Variants in MYO10 observed in about 807,000 individuals in gnomAD.
MYO10 encodes the protein unconventional myosin-X.
Under a neutral mutation model 257.3 loss-of-function variants are expected in MYO10, and 133 were observed. That is an observed-to-expected ratio of 0.52 (90% CI 0.45 to 0.60). MYO10 has a LOEUF of 0.60. MYO10 is among the 20% of genes least tolerant of loss of function. The probability of loss-of-function intolerance (pLI) is 0.00; values close to 1 mark genes in which losing one functional copy is unlikely to be tolerated. For missense variants in MYO10, 2,399 were observed against 2,635.7 expected, an observed-to-expected ratio of 0.91 and a Z score of 1.97; for synonymous variants, 1,104 against 1,028.6, an observed-to-expected ratio of 1.07 and a Z score of -1.40.
At chr5:16,835,267 G>A (rs1743277245) in intron 2 of MYO10, among the ~76,000 whole-genome samples, 1 of 151,958 alleles carries the variant, frequency 6.6e-6, no homozygotes, top group South Asian at 2.1e-4. Context: ...CTGGCGTGGT[G>A]GCTCATGCCT....
At chr5:16,780,895 A>C (rs1362058385) in intron 6 of MYO10, among the ~76,000 whole-genome samples, 154 bp from the exon 7 acceptor site, 1 of 152,124 alleles carries the variant, frequency 6.6e-6, no homozygotes, top group Non-Finnish European at 1.5e-5. Context: ...CAAGCAAACA[A>C]AGTATAGACT....
chr5:16,901,283 C>T (rs947590322), intron 1 of MYO10, among the ~76,000 whole-genome samples: 9 of 152,114 alleles, frequency 5.9e-5, no homozygotes, highest in Admixed American at 2.6e-4. Flanking sequence ...TGCTGGGCGC[C>T]CCTCCTCCGT....
chr5:16,926,801 T>C (rs932580149), intron 1 of MYO10, among the ~76,000 whole-genome samples: 12 of 152,082 alleles, frequency 7.9e-5, no homozygotes, highest in African/African-American at 2.9e-4. Flanking sequence ...ATCTTGACTC[T>C]AACCACATAA....
At chr5:16,687,785 C>T (rs887254383) in intron 28 of MYO10, among the ~76,000 whole-genome samples, 1 of 152,018 alleles carries the variant, frequency 6.6e-6, no homozygotes, top group African/African-American at 2.4e-5. Context: ...TTCTGGTTAA[C>T]CAAACAGCAA....
chr5:16,869,627 A>G lies in MYO10; in HGVS notation c.120+7982T>C, dbSNP rs189160563. ...CGCCTGTAATCCCAGCACTTTGGGA[A>G]GCCAAGGCAGGTGGATCACCTGAGG... On this transcript the variant is annotated intron_variant, in intron 2 of 40. Transcript: ENST00000513610. Among the ~76,000 whole-genome samples, 1,433 of 149,138 alleles carry G rather than the reference A, an allele frequency of 9.6e-3. 25 individuals are homozygous for G. The highest frequency in any genetic ancestry group is 0.027 in the African/African-American group (1,052 of 39,314).
intron 1 of MYO10, among the ~76,000 whole-genome samples, chr5:16,909,207 C>G (rs545268779): frequency 2.0e-5 from 3 of 152,220 alleles, no homozygotes; most frequent in African/African-American, 7.2e-5. Flanking sequence ...GGGAACTGCC[C>G]TTTATAAAAC....
intron 27 of MYO10, among the ~76,000 whole-genome samples, chr5:16,694,012 C>T (rs1054077873): frequency 1.3e-5 from 2 of 152,180 alleles, no homozygotes; most frequent in Non-Finnish European, 2.9e-5. Context: ...CTGGCAACAG[C>T]TGGAGTAAGG....
chr5:16,757,580 G>A (rs1017266029), intron 18 of MYO10, among the ~76,000 whole-genome samples: 2 of 152,078 alleles, frequency 1.3e-5, no homozygotes, highest in Admixed American at 6.5e-5. Flanking sequence ...TATTTCAAAA[G>A]CTTAGAAGAA....
At chr5:16,769,607 T>C (rs1740985256) in intron 9 of MYO10, among the ~76,000 whole-genome samples, 1 of 152,210 alleles carries the variant, frequency 6.6e-6, no homozygotes, top group Non-Finnish European at 1.5e-5. Flanking sequence ...CCCAAAGTTC[T>C]GGGATTACAG....
Position 16,900,603 on chromosome 5 carries a change from G to C in MYO10, c.22-22896C>G, listed in dbSNP as rs114805086. Among the ~76,000 whole-genome samples the C allele has an allele frequency of 2.9e-3, 446 of 152,240 alleles. 5 individuals are homozygous for C. Among genetic ancestry groups the C allele is most frequent in the African/African-American group, 0.01 (429 of 41,550 alleles). Reference sequence around the variant, plus strand: ...CGATCCATCCGGTGACAATTGGATAGAGCAGCCAGGCCATCTGTTCTCACC... The same window carrying C: ...CGATCCATCCGGTGACAATTGGATACAGCAGCCAGGCCATCTGTTCTCACC... On this transcript the variant is annotated intron_variant, in intron 1 of 40. Coordinates refer to ENST00000513610, the MANE Select transcript of MYO10 (RefSeq NM_012334.3).
At chr5:16,763,208 G>C (rs1392344351) in intron 14 of MYO10, among the ~76,000 whole-genome samples, 4 of 152,038 alleles carry the variant, frequency 2.6e-5, no homozygotes, top group Non-Finnish European at 5.9e-5. Context: ...ATTGGTACTG[G>C]CAAGGCTTTG....
At chr5:16,794,409 A>C (rs1362589314) in intron 4 of MYO10, among the ~76,000 whole-genome samples, 1 of 151,676 alleles carries the variant, frequency 6.6e-6, no homozygotes, top group East Asian at 1.9e-4. Context: ...AAAAAGGAAC[A>C]GAATGGAATA....
chr5:16,780,413 T>C (rs1280879599), intron 8 of MYO10, 111 bp downstream of exon 8: 4 of 1,015,730 alleles, frequency 3.9e-6, no homozygotes, highest in South Asian at 2.8e-5. Context: ...GTACATTTCA[T>C]TGCTATCGGT....
At chr5:16,673,191 G>T (rs552584176) in intron 36 of MYO10, among the ~76,000 whole-genome samples, 1 of 129,770 alleles carries the variant, frequency 7.7e-6, no homozygotes, top group African/African-American at 2.8e-5. Flanking sequence ...TCCAGATGAC[G>T]TTTTTTTTTT....
At chr5:16,921,645 A>G (rs971783921) in intron 1 of MYO10, among the ~76,000 whole-genome samples, 1 of 152,106 alleles carries the variant, frequency 6.6e-6, no homozygotes, top group African/African-American at 2.4e-5. Context: ...AGAAAAAAAA[A>G]AAAAACGAAA....
intron 1 of MYO10, among the ~76,000 whole-genome samples, chr5:16,926,044 T>C (rs1267077130): frequency 1.3e-5 from 2 of 152,178 alleles, no homozygotes; most frequent in African/African-American, 2.4e-5. Flanking sequence ...AATTTGAATA[T>C]CCCTAGCATA....
intron 19 of MYO10, chr5:16,713,206 C>A: frequency 1.6e-6 from 1 of 641,574 alleles, no homozygotes; most frequent in Non-Finnish European, 1.9e-6. Flanking sequence ...TCCTGATCCC[C>A]TCTTTTCTCC....
chr5:16,782,675 G>GA (rs1200941386), intron 5 of MYO10, among the ~76,000 whole-genome samples: 1 of 152,116 alleles, frequency 6.6e-6, no homozygotes, highest in Non-Finnish European at 1.5e-5. Flanking sequence ...CCGACCCCTG[G>GA]ACAAATCTCT....
chr5:16,763,817 AG>A, intron 12 of MYO10, 62 bp from the exon 13 acceptor site: 1 of 1,017,682 alleles, frequency 9.8e-7, no homozygotes, highest in South Asian at 1.5e-5. Flanking sequence ...AGAAAGGTGA[AG>A]AAAAGACAAA....
Sources: gnomAD v4.1 joint callset for allele counts (sites outside exome capture counted in the v4.1 genomes callset) on GRCh38, gnomAD v4.1.1 for gene constraint, MANE v1.5 for transcripts, NCBI Gene and HGNC (gene_info 2026-07-23, HGNC 2026-07-21) for gene names.